Variants in NRCAM observed in about 807,000 individuals in gnomAD.
NRCAM encodes NgCAM-related cell adhesion molecule.
In NRCAM, 83 loss-of-function variants were observed where a neutral mutation model predicts 156.5. That is an observed-to-expected ratio of 0.53 (90% CI 0.44 to 0.64). NRCAM has a LOEUF of 0.64. Ranked by LOEUF, NRCAM falls within the 30% of genes least tolerant of loss-of-function variation. The probability of loss-of-function intolerance (pLI) is 0.00; values close to 1 mark genes in which losing one functional copy is unlikely to be tolerated. For synonymous variants in NRCAM, 538 were observed against 563.9 expected, an observed-to-expected ratio of 0.95 and a Z score of 0.65; for missense variants, 1,417 against 1,597.3, an observed-to-expected ratio of 0.89 and a Z score of 1.92.
intron 20 of NRCAM, among the ~76,000 whole-genome samples, chr7:108,188,399 G>C (rs60206728): frequency 9.9e-6 from 1 of 101,244 alleles, no homozygotes; most frequent in East Asian, 3.8e-4. Flanking sequence ...GTGTGTGTGT[G>C]TATATATACA....
At chr7:108,416,495 C>A (rs182518329) in intron 1 of NRCAM, among the ~76,000 whole-genome samples, 11 of 152,092 alleles carry the variant, frequency 7.2e-5, no homozygotes, top group Admixed American at 3.3e-4. Context: ...TGGCAGCAGG[C>A]AACATGTTCT....
At chr7:108,166,389 A>C (rs1439274797) in intron 30 of NRCAM, among the ~76,000 whole-genome samples, 3 of 151,722 alleles carry the variant, frequency 2.0e-5, no homozygotes, top group Non-Finnish European at 4.4e-5. Context: ...CTGGGATTAC[A>C]GGCGCCCACC....
rs2039580065 is a variant in NRCAM at position 108,147,791 on chromosome 7, A to G, written c.*2119T>C. ...AAGAGAGAGGAACTTTTAAAACCAC[A>G]TTTAATTTTTAATACCAAATCTGTT... On this transcript the variant is annotated 3_prime_UTR_variant, in exon 33 of 33. Transcript: ENST00000379028. 6.6e-6 allele frequency: 1 copy of G among 152,652 alleles called. No homozygotes were observed. The highest frequency in any genetic ancestry group is 1.5e-5 in the Non-Finnish European group (1 of 68,044). The allele number at this position is 152,652 out of a possible 1,614,324, so 9.5% of individuals were successfully genotyped here. A position where few individuals can be genotyped will look rare whatever the true frequency, so the allele number is the denominator to read the frequency against.
chr7:108,398,620 CT>C (rs2099783557), intron 2 of NRCAM, among the ~76,000 whole-genome samples: 1 of 152,166 alleles, frequency 6.6e-6, no homozygotes, highest in Admixed American at 6.5e-5. Flanking sequence ...CTTGTCCACC[CT>C]ACCCTGCTCT....
intron 19 of NRCAM, 67 bp from the exon 20 acceptor site, chr7:108,189,813 A>G: frequency 1.4e-6 from 1 of 700,690 alleles, no homozygotes; most frequent in East Asian, 2.6e-5. Context: ...TTTACTCGTG[A>G]TACTATTCAC....
At chr7:108,436,026 C>A (rs962927472) in intron 1 of NRCAM, among the ~76,000 whole-genome samples, 4 of 152,164 alleles carry the variant, frequency 2.6e-5, no homozygotes, top group Non-Finnish European at 4.4e-5. Flanking sequence ...CCCAGCTACT[C>A]GGGAGGCTGA....
At chr7:108,170,313 G>A (rs977621231) in intron 28 of NRCAM, among the ~76,000 whole-genome samples, 1 of 152,156 alleles carries the variant, frequency 6.6e-6, no homozygotes, top group Non-Finnish European at 1.5e-5. Context: ...CAAATATTGC[G>A]TGATCTCACT....
intron 1 of NRCAM, among the ~76,000 whole-genome samples, chr7:108,427,410 GTT>G (rs1223586527): frequency 3.9e-5 from 6 of 152,174 alleles, no homozygotes; most frequent in Non-Finnish European, 8.8e-5. Flanking sequence ...CATTACAGGT[GTT>G]TCATAAATAT....
chr7:108,390,429 C>A (rs2099755941), intron 2 of NRCAM, among the ~76,000 whole-genome samples: 1 of 152,104 alleles, frequency 6.6e-6, no homozygotes, highest in South Asian at 2.1e-4. Context: ...ACCCCTTTAT[C>A]ATTTTTTATT....
chr7:108,159,677 T>C (rs1402238438), intron 31 of NRCAM, 136 bp from the exon 32 acceptor site: 3 of 636,070 alleles, frequency 4.7e-6, no homozygotes, highest in Admixed American at 2.9e-5. Flanking sequence ...ACCATATATA[T>C]GGTGGCCATG....
intron 8 of NRCAM, among the ~76,000 whole-genome samples, chr7:108,230,226 C>T (rs765455008): frequency 4.0e-5 from 6 of 151,730 alleles, no homozygotes; most frequent in Non-Finnish European, 7.4e-5. Flanking sequence ...CTCTCTCATG[C>T]TCCCACCCCC....
intron 2 of NRCAM, among the ~76,000 whole-genome samples, chr7:108,343,293 C>G (rs2099314160): frequency 6.6e-6 from 1 of 152,148 alleles, no homozygotes; most frequent in South Asian, 2.1e-4. Context: ...TCCTCCATGC[C>G]CATGCAGCAA....
At chr7:108,379,861 G>A (rs916044385) in intron 2 of NRCAM, among the ~76,000 whole-genome samples, 22 of 151,996 alleles carry the variant, frequency 1.4e-4, no homozygotes, top group African/African-American at 5.3e-4. Flanking sequence ...AAATATAAAA[G>A]AGAAGTCATA....
At chr7:108,386,284 T>C (rs1316757025) in intron 2 of NRCAM, among the ~76,000 whole-genome samples, 2 of 152,164 alleles carry the variant, frequency 1.3e-5, no homozygotes, top group East Asian at 3.9e-4. Context: ...CAAAGTCCAA[T>C]ACACTTATTA....
At chr7:108,245,945 CAT>C (rs10588862) in intron 3 of NRCAM, among the ~76,000 whole-genome samples, 11,088 of 151,964 alleles carry the variant, frequency 0.073, 581 homozygotes, top group African/African-American at 0.14. Flanking sequence ...AATGATGAAG[CAT>C]AGTTAATGAA....
intron 3 of NRCAM, among the ~76,000 whole-genome samples, chr7:108,292,506 GT>G (rs1419182122): frequency 2.8e-4 from 43 of 152,190 alleles, no homozygotes; most frequent in Non-Finnish European, 5.4e-4. Context: ...AGTTTGTGTT[GT>G]TAAATATGTC....
chr7:108,192,916 G>T (rs2072921562), intron 17 of NRCAM, among the ~76,000 whole-genome samples: 1 of 152,190 alleles, frequency 6.6e-6, no homozygotes, highest in Admixed American at 6.5e-5. Context: ...TTAATGTATA[G>T]AGAATTAGTG....
At chr7:108,246,985 C>T (rs747862461) in intron 3 of NRCAM, among the ~76,000 whole-genome samples, 1 of 152,104 alleles carries the variant, frequency 6.6e-6, no homozygotes, top group Non-Finnish European at 1.5e-5. Context: ...GCAGCTTATC[C>T]TCTTGTAATG....
chr7:108,286,735 A>G (rs947050895), intron 3 of NRCAM, among the ~76,000 whole-genome samples: 5 of 152,174 alleles, frequency 3.3e-5, no homozygotes, highest in Non-Finnish European at 7.4e-5. Flanking sequence ...GGCTGTAGAT[A>G]GAAGAACCAT....
Sources: allele counts gnomAD v4.1 joint callset (sites outside exome capture counted in the v4.1 genomes callset), GRCh38; gene constraint gnomAD v4.1.1; transcripts MANE v1.5; gene names NCBI Gene and HGNC (gene_info 2026-07-23, HGNC 2026-07-21).